Variants in IFT140 observed in about 807,000 individuals in gnomAD.
The protein encoded by IFT140 is intraflagellar transport protein 140 homolog.
IFT140 carries 133 observed loss-of-function variants against 164.6 expected under a neutral mutation model. The observed-to-expected ratio is 0.81, with a 90% CI of 0.70 to 0.93. The LOEUF is 0.93. Among genes scored for constraint, IFT140 ranks in the 40% least tolerant of loss-of-function variants. The pLI, the probability that IFT140 is intolerant of heterozygous loss-of-function variation, is 0.00. For synonymous variants in IFT140, 860 were observed against 817.3 expected (o/e 1.05, Z -0.89); for missense variants, 2,045 against 1,972.3 (o/e 1.04, Z -0.70).
intron 19 of IFT140, among the ~76,000 whole-genome samples, chr16:1,535,884 G>A (rs1021465475): frequency 2.0e-5 from 3 of 152,240 alleles, no homozygotes; most frequent in Admixed American, 6.5e-5. Flanking sequence ...CTCAGAACTC[G>A]GTGTCTTATG....
chr16:1,576,057 G>C (rs111924003), intron 13 of IFT140, among the ~76,000 whole-genome samples: 2 of 152,026 alleles, frequency 1.3e-5, no homozygotes, highest in African/African-American at 4.8e-5. Flanking sequence ...AGACTGAGGC[G>C]GGTGGATCAC....
Position 1,511,019 on chromosome 16 carries a change from C to G in IFT140, c.4314G>C (p.Gln1438His). 6.2e-7 allele frequency: 1 copy of G among 1,607,392 alleles called. No homozygotes were observed. Among genetic ancestry groups the G allele is most frequent in the Non-Finnish European group, 8.5e-7 (1 of 1,176,516 alleles). ...CGTCCTCCATGCTGTTGTGGCGGAC[C>G]TGCTCGGGGACGGTGCGTGGCAGTG... ...GLPLPRTVPE[Q>H]VRHNSMEDAR... is the part of the protein sequence containing the mutation. The change falls in exon 31 of 31, where the codon CAG (glutamine) becomes CAC (histidine). Residue 1438 changes from glutamine (Q) to histidine (H), a missense_variant. Physicochemically the swap from Gln to His is conservative, Grantham distance 24. Transcript: ENST00000426508.
intron 4 of IFT140, among the ~76,000 whole-genome samples, chr16:1,593,374 T>C (rs915278187): frequency 5.3e-5 from 8 of 151,658 alleles, no homozygotes. Context: ...TTCAGTGGTG[T>C]GGTCTCGGCT....
At chr16:1,581,082 C>T (rs916339721) in intron 12 of IFT140, among the ~76,000 whole-genome samples, 16 of 152,226 alleles carry the variant, frequency 1.1e-4, no homozygotes, top group Admixed American at 2.0e-4. Flanking sequence ...GATGTGGAGA[C>T]TCCATGCTGG....
At chr16:1,530,528 C>A (rs544502574) in intron 19 of IFT140, among the ~76,000 whole-genome samples, 2 of 152,210 alleles carry the variant, frequency 1.3e-5, no homozygotes, top group Non-Finnish European at 2.9e-5. Flanking sequence ...TCTACCTGCC[C>A]CGCGTGGCTC....
At chr16:1,524,230 G>A (rs2040606311) in intron 24 of IFT140, 3 of 605,412 alleles carry the variant, frequency 5.0e-6, no homozygotes, top group African/African-American at 1.8e-5. Flanking sequence ...ACATTTGTGT[G>A]GTGCAGAACG....
intron 19 of IFT140, chr16:1,557,665 T>G: frequency 4.3e-6 from 2 of 462,298 alleles, no homozygotes; most frequent in Non-Finnish European, 7.8e-6. Context: ...GAGGGATGGG[T>G]ATTATAGATG....
rs75359189 is a variant in IFT140, at chr16:1,592,332, C to T, written c.492-14G>A. On this transcript the variant is annotated splice_polypyrimidine_tract_variant and intron_variant, in intron 5 of 30. Transcript: ENST00000426508. Reference sequence around the variant, plus strand: ...TGAACCAGGTCCCTGAAAGCAAACACGACACGAAGCAAGATTCTTCTGCCA... The same window carrying T: ...TGAACCAGGTCCCTGAAAGCAAACATGACACGAAGCAAGATTCTTCTGCCA... 4.4e-3 allele frequency: 7,028 copies of T among 1,614,046 alleles called. 269 individuals are homozygous for T. The African/African-American group carries it at 0.078, about 18-fold the overall frequency.
intron 19 of IFT140, among the ~76,000 whole-genome samples, chr16:1,543,191 C>A (rs535511053): frequency 4.3e-4 from 65 of 152,390 alleles, no homozygotes; most frequent in Admixed American, 2.9e-3. Flanking sequence ...GCTGCCCGCA[C>A]CCTCCTTCTC....
chr16:1,604,190 C>T (rs576466941), intron 3 of IFT140, among the ~76,000 whole-genome samples: 7 of 152,176 alleles, frequency 4.6e-5, no homozygotes, highest in East Asian at 1.9e-4. Context: ...AAGTCTGGCA[C>T]GGCCTTCGCA....
chr16:1,595,484 G>T (rs934814088), intron 4 of IFT140, among the ~76,000 whole-genome samples: 1 of 151,056 alleles, frequency 6.6e-6, no homozygotes, highest in African/African-American at 2.4e-5. Context: ...GCATGTTGGT[G>T]CACACCTGTA....
chr16:1,526,604 G>A lies in IFT140; in HGVS notation c.2577+15C>T. ...GTGGTGCCTTCCCACCCACCCCATG[G>A]CGGGCGCCCCTCACCAGCATGCCCA... is the stretch of plus-strand genomic sequence containing the variant. On this transcript the variant is annotated intron_variant, in intron 20 of 30. Coordinates refer to ENST00000426508, the MANE Select transcript of IFT140 (RefSeq NM_014714.4). 1 of 1,516,648 alleles carries A rather than the reference G, an allele frequency of 6.6e-7. No homozygotes were observed. Among genetic ancestry groups the A allele is most frequent in the Middle Eastern group, 2.2e-4 (1 of 4,550 alleles). The allele number at this position is 1,516,648 out of a possible 1,614,324, so 93.9% of individuals were successfully genotyped here.
chr16:1,571,291 G>C (rs1002792789), intron 14 of IFT140, 116 bp downstream of exon 14: 1 of 895,186 alleles, frequency 1.1e-6, no homozygotes, highest in African/African-American at 1.7e-5. Context: ...GTGGCATGTC[G>C]GTGTTAAAAT....
intron 1 of IFT140, among the ~76,000 whole-genome samples, chr16:1,611,665 A>T (rs1264544968): frequency 6.6e-6 from 1 of 151,298 alleles, no homozygotes; most frequent in Non-Finnish European, 1.5e-5. Flanking sequence ...AAACACACAA[A>T]TTAGCGAGTA....
intron 18 of IFT140, among the ~76,000 whole-genome samples, chr16:1,559,340 T>A (rs1302938276): frequency 6.6e-6 from 1 of 152,214 alleles, no homozygotes; most frequent in Non-Finnish European, 1.5e-5. Flanking sequence ...GGAATTCTCA[T>A]CATTCACCAT....
chr16:1,584,404 T>C lies in IFT140; in HGVS notation c.1172A>G (p.Asn391Ser). 6 of 1,608,086 alleles carry C rather than the reference T, an allele frequency of 3.7e-6. No homozygotes were observed. The South Asian group carries it at 6.7e-5, about 18-fold the overall frequency. The change falls in exon 11 of 31, where the codon AAC becomes AGC. Residue 391 changes from asparagine (N) to serine (S), a missense_variant. Transcript: ENST00000426508. Reference sequence around the variant, plus strand: ...GATGACGCTGTTCACTGCCAGCAGGTTCTTCCTGGAACCCCACTTCATTTC... The same window carrying C: ...GATGACGCTGTTCACTGCCAGCAGGCTCTTCCTGGAACCCCACTTCATTTC... The part of the protein sequence containing the change: ...ITQIQWGSRK[N>S]LLAVNSVISV...
intron 18 of IFT140, among the ~76,000 whole-genome samples, chr16:1,560,900 G>A (rs1028857607): frequency 1.3e-5 from 2 of 152,246 alleles, no homozygotes; most frequent in Non-Finnish European, 2.9e-5. Flanking sequence ...CTCTGTGCGT[G>A]TTGTTTGCTG....
chr16:1,582,054 G>T (rs529791030), intron 12 of IFT140, among the ~76,000 whole-genome samples: 1 of 152,092 alleles, frequency 6.6e-6, no homozygotes, highest in Non-Finnish European at 1.5e-5. Flanking sequence ...GTGGGCAGGC[G>T]GCTGAGGGGC....
At chr16:1,572,934 C>A (rs1318037557) in intron 13 of IFT140, among the ~76,000 whole-genome samples, 1 of 152,170 alleles carries the variant, frequency 6.6e-6, no homozygotes, top group East Asian at 1.9e-4. Flanking sequence ...CCAAGACAGG[C>A]AGCAGGGAAG....
Sources: gnomAD v4.1 joint callset for allele counts (sites outside exome capture counted in the v4.1 genomes callset) on GRCh38, gnomAD v4.1.1 for gene constraint, MANE v1.5 for transcripts, NCBI Gene and HGNC (gene_info 2026-07-23, HGNC 2026-07-21) for gene names.